The following SGSM2 variants were observed in gnomAD, a reference collection of about 807,000 sequenced individuals.
SGSM2 encodes the protein RUN and TBC1 domain containing 1.
Under a neutral mutation model 126.6 loss-of-function variants are expected in SGSM2, and 89 were observed. The observed-to-expected ratio is 0.70, with a 90% CI of 0.59 to 0.84. The LOEUF is 0.84. Among genes scored for constraint, SGSM2 ranks in the 40% least tolerant of loss-of-function variants. SGSM2 has a pLI of 0.00. For synonymous variants in SGSM2, 614 were observed against 574.3 expected, an observed-to-expected ratio of 1.07 and a Z score of -0.99; for missense variants, 1,404 against 1,416.6, an observed-to-expected ratio of 0.99 and a Z score of 0.14.
chr17:2,343,544 G>A lies in SGSM2; in HGVS notation c.58-1G>A. The stretch of plus-strand genomic sequence containing the variant: ...CAGTGATGCTGTCCATGTGTCCGCA[G>A]GTGAAGCAAATCATGGAGGAGGCTG... On this transcript the variant is annotated splice_acceptor_variant, in intron 1 of 23. Transcript: ENST00000268989. LOFTEE classifies it high-confidence loss of function. 1 of 1,614,130 alleles carries A rather than the reference G, an allele frequency of 6.2e-7. No homozygotes were observed. The highest frequency in any genetic ancestry group is 1.1e-5 in the South Asian group (1 of 91,082).
At position 2,364,166 on chromosome 17, in the gene SGSM2, C is replaced by T. The variant is rs1482919329; in HGVS notation, c.915C>T (p.Asp305=). The part of the protein sequence containing the change: ...PNQLMNGTLG[D]SELEKSVYWD... ...AGCTCATGAATGGGACTCTGGGGGACTCCGAGCTGGAAAAGAGGTGGGGGC... is the reference window on the plus strand; with the variant it reads ...AGCTCATGAATGGGACTCTGGGGGATTCCGAGCTGGAAAAGAGGTGGGGGC... Residue 305 remains aspartate (D), a synonymous_variant, in exon 8 of 24, where the codon GAC becomes GAT. Transcript: ENST00000268989. 1.2e-6 allele frequency: 2 copies of T among 1,613,626 alleles called. No individual in the cohort carries two copies. The highest frequency in any genetic ancestry group is 3.3e-5 in the Admixed American group (2 of 60,000).
At chr17:2,357,943 G>A (rs1306683397) in intron 2 of SGSM2, among the ~76,000 whole-genome samples, 1 of 152,218 alleles carries the variant, frequency 6.6e-6, no homozygotes, top group East Asian at 1.9e-4. Flanking sequence ...TTGTGGTGGT[G>A]CACCCAGGGT....
chr17:2,373,656 C>T (rs2065991638), intron 17 of SGSM2, 143 bp downstream of exon 17: 1 of 700,360 alleles, frequency 1.4e-6, no homozygotes, highest in Non-Finnish European at 2.3e-6. Flanking sequence ...TCATTTTCTC[C>T]AACTGGAAAT....
In SGSM2 at chr17:2,372,577, G is replaced by A. The variant is rs746045508; in HGVS notation, c.1788+89G>A. 50 of 1,517,204 alleles carry A rather than the reference G, an allele frequency of 3.3e-5. No homozygotes were observed. The highest frequency in any genetic ancestry group is 1.5e-4 in the African/African-American group (11 of 72,304). The allele number at this position is 1,517,204 out of a possible 1,614,324, so 94.0% of individuals were successfully genotyped here. ...CAGGGTAAAATGTGCCAGTGGGTGC[G>A]GTTGACAGGCCAGGGCCGATGCCAC... On this transcript the variant is annotated intron_variant, in intron 15 of 23. Coordinates refer to ENST00000268989, the MANE Select transcript of SGSM2 (RefSeq NM_014853.3). The surrounding 1 kb of genome is among the most constrained non-coding windows in gnomAD (Gnocchi z 6.0).
chr17:2,359,780 A>G (rs1203844283), intron 2 of SGSM2, among the ~76,000 whole-genome samples: 2 of 151,938 alleles, frequency 1.3e-5, no homozygotes, highest in Non-Finnish European at 2.9e-5. Flanking sequence ...TAATCACACC[A>G]CTGAGGCATG....
chr17:2,377,824 C>T, intron 21 of SGSM2, 33 bp from the exon 22 acceptor site: 1 of 1,435,914 alleles, frequency 7.0e-7, no homozygotes, highest in Non-Finnish European at 9.8e-7. Flanking sequence ...CGGCTCAGGG[C>T]TCAGCCTCTC....
At chr17:2,341,807 A>G (rs2064381406) in intron 1 of SGSM2, among the ~76,000 whole-genome samples, 1 of 152,220 alleles carries the variant, frequency 6.6e-6, no homozygotes, top group Admixed American at 6.6e-5. Context: ...CAATTTGGCA[A>G]TATCTAATAA....
chr17:2,367,829 G>A lies in SGSM2; in HGVS notation c.1423+424G>A, dbSNP rs1342087588. Among the ~76,000 whole-genome samples, 1 of 152,214 alleles carries A rather than the reference G, an allele frequency of 6.6e-6. No homozygotes were observed. The highest frequency in any genetic ancestry group is 1.5e-5 in the Non-Finnish European group (1 of 68,034). ...CCTGACTTAACAGAAACAGGATGGA[G>A]GTACCGGGTCCTTCCTGGGGCAGGG... On this transcript the variant is annotated intron_variant, in intron 12 of 23. Coordinates refer to ENST00000268989, the MANE Select transcript of SGSM2 (RefSeq NM_014853.3). The surrounding 1 kb of genome is among the most constrained non-coding windows in gnomAD (Gnocchi z 4.0).
At position 2,352,777 on chromosome 17, in the gene SGSM2, T is replaced by C. The variant is rs1289701051; in HGVS notation, c.134-8860T>C. Among the ~76,000 whole-genome samples the C allele has an allele frequency of 2.9e-3, 333 of 113,454 alleles. 11 individuals carry two copies. Among genetic ancestry groups the C allele is most frequent in the African/African-American group, 0.013 (277 of 21,742 alleles). 74.4% of individuals were successfully genotyped at this position (113,454 alleles called of 152,430 possible). A position where few individuals can be genotyped will look rare whatever the true frequency, so the allele number is the denominator to read the frequency against. On this transcript the variant is annotated intron_variant, in intron 2 of 23. Transcript: ENST00000268989. The stretch of plus-strand genomic sequence containing the variant: ...CCACTGCTGCATTTTCTTTTTTTTT[T>C]TTTTTTTTTTTTTTTTTTGAGACGG...
intron 21 of SGSM2, chr17:2,377,517 A>G: frequency 5.1e-6 from 1 of 197,384 alleles, no homozygotes; most frequent in Non-Finnish European, 1.0e-5. Flanking sequence ...TTTCAGCGTT[A>G]GAAATTGAGG....
chr17:2,361,628 G>A lies in SGSM2; in HGVS notation c.134-9G>A. The A allele has an allele frequency of 6.2e-7, 1 of 1,613,066 alleles. No homozygotes were observed. The highest frequency in any genetic ancestry group is 8.5e-7 in the Non-Finnish European group (1 of 1,179,802). On this transcript the variant is annotated splice_polypyrimidine_tract_variant and intron_variant, in intron 2 of 23. Coordinates refer to ENST00000268989, the MANE Select transcript of SGSM2 (RefSeq NM_014853.3). Reference sequence around the variant, plus strand: ...CCAGGCTCAGATGCCGTTTCCCTTTGTGGCCTAGGTGCAGTGGAGGCTTGC... The same window carrying A: ...CCAGGCTCAGATGCCGTTTCCCTTTATGGCCTAGGTGCAGTGGAGGCTTGC...
chr17:2,362,739 CT>C lies in SGSM2; in HGVS notation c.459-98del. The C allele has an allele frequency of 5.0e-6, 6 of 1,206,062 alleles. No individual in the cohort carries two copies. Among genetic ancestry groups the C allele is most frequent in the Non-Finnish European group, 7.2e-6 (6 of 828,776 alleles). 74.7% of individuals were successfully genotyped at this position (1,206,062 alleles called of 1,614,324 possible). ...GACTCACTGTTTCTTGATGACTGATCTGAATCTGGTCTTTGTGGGGATGTCC... is the reference window on the plus strand; with the variant it reads ...GACTCACTGTTTCTTGATGACTGATCGAATCTGGTCTTTGTGGGGATGTCC... On this transcript the variant is annotated intron_variant, in intron 4 of 23. Transcript: ENST00000268989. This position sits in a 1 kb window ranked among gnomAD's most constrained non-coding sequence, Gnocchi z 4.9.
intron 16 of SGSM2, 98 bp downstream of exon 16, chr17:2,373,179 G>C: frequency 1.3e-6 from 2 of 1,563,942 alleles, no homozygotes; most frequent in African/African-American, 1.4e-5. Context: ...TTCCCAGCCG[G>C]AAAGAAGCAT....
At chr17:2,376,067 G>A in intron 18 of SGSM2, 70 bp from the exon 19 acceptor site, 1 of 1,604,504 alleles carries the variant, frequency 6.2e-7, no homozygotes. Flanking sequence ...ATTTCTTGGG[G>A]CGTCACCTCC....
At chr17:2,369,429 T>G (rs1470686691) in intron 12 of SGSM2, among the ~76,000 whole-genome samples, 1 of 152,150 alleles carries the variant, frequency 6.6e-6, no homozygotes, top group Non-Finnish European at 1.5e-5. Context: ...TTTTCTTGCT[T>G]TACACTTTCC....
chr17:2,371,574 A>G, intron 13 of SGSM2, 159 bp downstream of exon 13: 2 of 831,608 alleles, frequency 2.4e-6, no homozygotes, highest in Non-Finnish European at 3.6e-6. Flanking sequence ...GTGACTTACA[A>G]GTTATGGAAT....
intron 2 of SGSM2, among the ~76,000 whole-genome samples, chr17:2,350,818 G>A (rs1179210883): frequency 5.3e-5 from 8 of 152,162 alleles, no homozygotes; most frequent in South Asian, 2.1e-4. Context: ...GGCAGGGGCC[G>A]AGAAGCCTTT....
intron 12 of SGSM2, among the ~76,000 whole-genome samples, chr17:2,368,251 C>T (rs2065687734): frequency 1.3e-5 from 2 of 152,158 alleles, no homozygotes; most frequent in Admixed American, 6.5e-5. Context: ...CCCATCTTTC[C>T]TAGCACAGAG....
intron 2 of SGSM2, among the ~76,000 whole-genome samples, chr17:2,359,728 C>T (rs1351089551): frequency 6.6e-6 from 1 of 152,138 alleles, no homozygotes; most frequent in African/African-American, 2.4e-5. Context: ...TTGCGGTCGC[C>T]TAGGGAAGGT....
Sources: gnomAD v4.1 joint callset for allele counts (sites outside exome capture counted in the v4.1 genomes callset) on GRCh38, gnomAD v4.1.1 for gene constraint, Gnocchi (gnomAD v3.1) non-coding constraint, MANE v1.5 for transcripts, NCBI Gene and HGNC (gene_info 2026-07-23, HGNC 2026-07-21) for gene names.